The following PKIG variants were observed in gnomAD, a reference collection of about 807,000 sequenced individuals.
PKIG encodes the protein protein kinase (cAMP-dependent, catalytic) inhibitor gamma.
In PKIG, 1 loss-of-function variant was observed where a neutral mutation model predicts 6.8. The observed-to-expected ratio is 0.15, with a 90% CI of 0.05 to 0.69. The LOEUF is 0.69. Ranked by LOEUF, PKIG falls within the 30% of genes least tolerant of loss-of-function variation. The pLI is 0.82. For synonymous variants in PKIG, 39 were observed against 43.0 expected, an observed-to-expected ratio of 0.91 and a Z score of 0.36; for missense variants, 77 against 104.0, an observed-to-expected ratio of 0.74 and a Z score of 1.13.
intron 1 of PKIG, among the ~76,000 whole-genome samples, chr20:44,554,231 C>T (rs1461970033): frequency 6.6e-6 from 1 of 152,046 alleles, no homozygotes; most frequent in Non-Finnish European, 1.5e-5. Flanking sequence ...GCACACACCA[C>T]CATGCCTGGC....
intron 1 of PKIG, chr20:44,532,045 G>A (rs180998435): frequency 9.0e-4 from 137 of 152,336 alleles, no homozygotes; most frequent in African/African-American, 3.2e-3. Context: ...ACGTCGCAGG[G>A]GGCGAGGGGC....
intron 1 of PKIG, among the ~76,000 whole-genome samples, chr20:44,575,613 A>G (rs1361194820): frequency 2.6e-5 from 4 of 152,320 alleles, no homozygotes; most frequent in Non-Finnish European, 5.9e-5. Flanking sequence ...CTAAGGTACT[A>G]AGTGGAAGAT....
At chr20:44,579,148 A>T (rs980924184), upstream of PKIG, among the ~76,000 whole-genome samples, 2 of 152,218 alleles carry the variant, frequency 1.3e-5, no homozygotes, top group Non-Finnish European at 2.9e-5. Context: ...TTAGACACAG[A>T]TCTTTTCCTT....
chr20:44,581,683 T>G (rs2064949604), upstream of PKIG, among the ~76,000 whole-genome samples: 1 of 152,200 alleles, frequency 6.6e-6, no homozygotes, highest in Non-Finnish European at 1.5e-5. Flanking sequence ...CCCTAAGGAC[T>G]TGTTCAGTGA....
At chr20:44,612,453 T>G (rs1215244864) in intron 2 of PKIG, among the ~76,000 whole-genome samples, 1 of 152,120 alleles carries the variant, frequency 6.6e-6, no homozygotes, top group Non-Finnish European at 1.5e-5. Flanking sequence ...AGACCACCCC[T>G]CCCACTTACT....
At chr20:44,615,949 C>T (rs960883991) in intron 3 of PKIG, among the ~76,000 whole-genome samples, 1 of 152,112 alleles carries the variant, frequency 6.6e-6, no homozygotes, top group Non-Finnish European at 1.5e-5. Context: ...GAACCCCACC[C>T]CAAAAGCCTT....
intron 1 of PKIG, among the ~76,000 whole-genome samples, chr20:44,545,787 C>G (rs2064608223): frequency 6.6e-6 from 1 of 152,092 alleles, no homozygotes; most frequent in South Asian, 2.1e-4. Context: ...TGTACTTACT[C>G]CAGCCTGGGA....
chr20:44,587,534 G>A (rs2065000327), intron 1 of PKIG, among the ~76,000 whole-genome samples: 2 of 152,152 alleles, frequency 1.3e-5, no homozygotes, highest in African/African-American at 4.8e-5. Context: ...ACAGAGGGAC[G>A]GGTGACTTTT....
At chr20:44,593,262 G>C (rs781393715) in intron 2 of PKIG, among the ~76,000 whole-genome samples, 1 of 151,782 alleles carries the variant, frequency 6.6e-6, no homozygotes, top group Admixed American at 6.6e-5. Flanking sequence ...CCCAGGCATC[G>C]CATCAAGGCT....
At chr20:44,587,332 A>G (rs1386241209) in intron 1 of PKIG, among the ~76,000 whole-genome samples, 1 of 152,150 alleles carries the variant, frequency 6.6e-6, no homozygotes, top group African/African-American at 2.4e-5. Flanking sequence ...TCTCCCTACA[A>G]TTCCTGGCTC....
chr20:44,609,387 A>C (rs1029749577), intron 2 of PKIG, among the ~76,000 whole-genome samples: 1 of 152,196 alleles, frequency 6.6e-6, no homozygotes, highest in Non-Finnish European at 1.5e-5. Flanking sequence ...ATTCCATCCC[A>C]TGGTGTCAGG....
At chr20:44,604,526 G>T (rs1477508017) in intron 2 of PKIG, among the ~76,000 whole-genome samples, 1 of 152,240 alleles carries the variant, frequency 6.6e-6, no homozygotes, top group Non-Finnish European at 1.5e-5. Flanking sequence ...AGTAGTCAAG[G>T]TGTTGGACTA....
In PKIG at chr20:44,618,555, C is replaced by T; in HGVS notation, c.*191C>T. On this transcript the variant is annotated 3_prime_UTR_variant, in exon 4 of 4. Transcript: ENST00000372886. ...GCCCTCTGCCCACACCCACAGGCTT[C>T]ACATTCCCACCACCTTCGCACCGTG... 1.8e-6 allele frequency: 1 copy of T among 558,492 alleles called. No individual in the cohort carries two copies. The highest frequency in any genetic ancestry group is 3.2e-6 in the Non-Finnish European group (1 of 309,606). The allele number at this position is 558,492 out of a possible 1,614,324, so 34.6% of individuals were successfully genotyped here. A position where few individuals can be genotyped will look rare whatever the true frequency, so the allele number is the denominator to read the frequency against.
At chr20:44,538,177 C>A (rs753150100) in intron 1 of PKIG, among the ~76,000 whole-genome samples, 1 of 152,160 alleles carries the variant, frequency 6.6e-6, no homozygotes, top group Admixed American at 6.5e-5. Flanking sequence ...CTGTCTACTT[C>A]CAGAGCATTA....
chr20:44,543,329 T>C (rs78495983), intron 1 of PKIG, among the ~76,000 whole-genome samples: 1 of 152,082 alleles, frequency 6.6e-6, no homozygotes, highest in Non-Finnish European at 1.5e-5. Context: ...TTTTTTTTTT[T>C]GCAAAAACCT....
intron 1 of PKIG, among the ~76,000 whole-genome samples, chr20:44,540,163 G>T (rs1433315783): frequency 6.6e-6 from 1 of 151,958 alleles, no homozygotes; most frequent in Non-Finnish European, 1.5e-5. Flanking sequence ...GTTTCACCAT[G>T]TTGGCCAGGC....
intron 1 of PKIG, among the ~76,000 whole-genome samples, chr20:44,585,797 GCCTGGCC>G (rs970465332): frequency 2.0e-5 from 3 of 152,260 alleles, no homozygotes; most frequent in African/African-American, 7.2e-5. Context: ...CTAGTCTCCT[GCCTGGCC>G]CCTGGCCCCT....
chr20:44,541,624 A>G (rs2064562537), intron 1 of PKIG, among the ~76,000 whole-genome samples: 1 of 152,028 alleles, frequency 6.6e-6, no homozygotes, highest in Admixed American at 6.6e-5. Context: ...TATAAAACAT[A>G]ATACCTGTTT....
At chr20:44,577,054 T>G (rs749122314) in intron 1 of PKIG, among the ~76,000 whole-genome samples, 3 of 152,134 alleles carry the variant, frequency 2.0e-5, no homozygotes, top group Non-Finnish European at 4.4e-5. Context: ...GTGGGTTTGA[T>G]TCCCCATCCC....
Sources: gnomAD v4.1 joint callset for allele counts (sites outside exome capture counted in the v4.1 genomes callset) on GRCh38, gnomAD v4.1.1 for gene constraint, MANE v1.5 for transcripts, NCBI Gene and HGNC (gene_info 2026-07-23, HGNC 2026-07-21) for gene names.